KCTD8: variants seen among roughly 807,000 people sequenced by gnomAD.
The protein encoded by KCTD8 is BTB/POZ domain-containing protein KCTD8.
Under a neutral mutation model 31.5 loss-of-function variants are expected in KCTD8, and 27 were observed. That is an observed-to-expected ratio of 0.86 (90% CI 0.63 to 1.18). KCTD8 has a LOEUF of 1.18. Ranked by LOEUF, KCTD8 falls within the 50% of genes most tolerant of loss-of-function variation. The probability of loss-of-function intolerance (pLI) is 0.00; values close to 1 mark genes in which losing one functional copy is unlikely to be tolerated. For missense variants in KCTD8, 658 were observed against 647.7 expected, an observed-to-expected ratio of 1.02 and a Z score of -0.17; for synonymous variants, 290 against 280.0, an observed-to-expected ratio of 1.04 and a Z score of -0.36.
chr4:44,436,869 A>T (rs1053340920), intron 1 of KCTD8, among the ~76,000 whole-genome samples: 1 of 152,106 alleles, frequency 6.6e-6, no homozygotes, highest in Non-Finnish European at 1.5e-5. Context: ...GCTCTTTCAC[A>T]CAAAGGCCAC....
At chr4:44,177,545 G>A (rs1167967449) in intron 1 of KCTD8, among the ~76,000 whole-genome samples, 1 of 152,144 alleles carries the variant, frequency 6.6e-6, no homozygotes, top group Non-Finnish European at 1.5e-5. Flanking sequence ...ATGGGGTTGG[G>A]TCTTTCTTGT....
chr4:44,378,740 G>A (rs1719983391), intron 1 of KCTD8, among the ~76,000 whole-genome samples: 1 of 152,060 alleles, frequency 6.6e-6, no homozygotes, highest in South Asian at 2.1e-4. Flanking sequence ...GGTTGTATTA[G>A]TTTCCTAAGC....
chr4:44,240,709 T>C (rs1370675200), intron 1 of KCTD8, among the ~76,000 whole-genome samples: 3 of 152,264 alleles, frequency 2.0e-5, no homozygotes, highest in Non-Finnish European at 2.9e-5. Flanking sequence ...GAATCAAGTA[T>C]CTTCAGGAGT....
chr4:44,244,244 T>C (rs745512031), intron 1 of KCTD8, among the ~76,000 whole-genome samples: 7 of 152,224 alleles, frequency 4.6e-5, no homozygotes, highest in Non-Finnish European at 1.5e-5. Context: ...TTTTTCTTTT[T>C]CTTAGGCTTC....
intron 1 of KCTD8, among the ~76,000 whole-genome samples, chr4:44,379,180 T>G (rs1168431295): frequency 6.6e-6 from 1 of 152,124 alleles, no homozygotes; most frequent in Non-Finnish European, 1.5e-5. Context: ...TACTATCAGG[T>G]TGCCTGGATT....
intron 1 of KCTD8, among the ~76,000 whole-genome samples, chr4:44,232,119 T>C (rs1290102747): frequency 6.6e-6 from 1 of 152,184 alleles, no homozygotes; most frequent in East Asian, 1.9e-4. Context: ...TTGATTCATT[T>C]GAAAACACAA....
chr4:44,297,937 T>C (rs1366538975), intron 1 of KCTD8, among the ~76,000 whole-genome samples: 3 of 152,132 alleles, frequency 2.0e-5, no homozygotes. Flanking sequence ...CACAATAGGA[T>C]CAACATCCTT....
chr4:44,437,308 A>C (rs1162354421), intron 1 of KCTD8, among the ~76,000 whole-genome samples: 1 of 152,128 alleles, frequency 6.6e-6, no homozygotes, highest in Non-Finnish European at 1.5e-5. Flanking sequence ...GTGCAGTCTA[A>C]AGTCAGGCAA....
At chr4:44,400,290 T>C (rs1331256695) in intron 1 of KCTD8, among the ~76,000 whole-genome samples, 1 of 152,076 alleles carries the variant, frequency 6.6e-6, no homozygotes, top group Non-Finnish European at 1.5e-5. Context: ...TGTTTCTAAG[T>C]ATAAAATTTC....
chr4:44,303,598 T>C (rs1414235671), intron 1 of KCTD8, among the ~76,000 whole-genome samples: 1 of 152,012 alleles, frequency 6.6e-6, no homozygotes, highest in African/African-American at 2.4e-5. Context: ...GGTGGATTGC[T>C]TGAGCTCAGG....
chr4:44,270,677 T>C (rs369223010), intron 1 of KCTD8, among the ~76,000 whole-genome samples: 5 of 152,264 alleles, frequency 3.3e-5, no homozygotes, highest in South Asian at 4.1e-4. Flanking sequence ...ATGTATTCCA[T>C]ATAATGAGAA....
At chr4:44,354,594 A>C (rs1405039162) in intron 1 of KCTD8, among the ~76,000 whole-genome samples, 1 of 152,100 alleles carries the variant, frequency 6.6e-6, no homozygotes, top group Non-Finnish European at 1.5e-5. Flanking sequence ...CTTATTGAGC[A>C]CTTACTGTCT....
At chr4:44,315,786 T>C (rs962713059) in intron 1 of KCTD8, among the ~76,000 whole-genome samples, 1 of 152,188 alleles carries the variant, frequency 6.6e-6, no homozygotes, top group Admixed American at 6.5e-5. Context: ...GTCATTGTTC[T>C]CAGGTTCCAT....
At chr4:44,230,566 C>T (rs574679354) in intron 1 of KCTD8, among the ~76,000 whole-genome samples, 2 of 152,248 alleles carry the variant, frequency 1.3e-5, no homozygotes, top group Non-Finnish European at 2.9e-5. Flanking sequence ...GTATTATTTA[C>T]AAGGTATTTT....
chr4:44,189,760 A>T (rs1267267767), intron 1 of KCTD8, among the ~76,000 whole-genome samples: 1 of 152,144 alleles, frequency 6.6e-6, no homozygotes. Context: ...CTGCCTTTGG[A>T]CATCGTCTAA....
intron 1 of KCTD8, among the ~76,000 whole-genome samples, chr4:44,409,566 G>A (rs1443867656): frequency 6.6e-6 from 1 of 152,108 alleles, no homozygotes; most frequent in East Asian, 1.9e-4. Flanking sequence ...TGAAGTGGGA[G>A]CTTGGGAGAT....
chr4:44,292,234 C>T (rs1288255623), intron 1 of KCTD8, among the ~76,000 whole-genome samples: 2 of 152,026 alleles, frequency 1.3e-5, no homozygotes, highest in Non-Finnish European at 1.5e-5. Flanking sequence ...ACGTGCCCAT[C>T]GACAGTGGAC....
At chr4:44,406,216 G>A (rs1205314860) in intron 1 of KCTD8, among the ~76,000 whole-genome samples, 1 of 152,080 alleles carries the variant, frequency 6.6e-6, no homozygotes, top group East Asian at 1.9e-4. Flanking sequence ...GGCACCCAGG[G>A]TATATGAAGA....
chr4:44,323,509 C>CCCA (rs1553901408), intron 1 of KCTD8, among the ~76,000 whole-genome samples: 2 of 136,700 alleles, frequency 1.5e-5, no homozygotes, highest in Non-Finnish European at 3.2e-5. Flanking sequence ...CACCCCCCCC[C>CCCA]AAAAAAAATT....
Sources: gnomAD v4.1 joint callset for allele counts (sites outside exome capture counted in the v4.1 genomes callset) on GRCh38, gnomAD v4.1.1 for gene constraint, MANE v1.5 for transcripts, NCBI Gene and HGNC (gene_info 2026-07-23, HGNC 2026-07-21) for gene names.